The following MARCHF8 variants were observed in gnomAD, a reference collection of about 807,000 sequenced individuals.
The protein encoded by MARCHF8 is membrane associated ring-CH-type finger 8, also known as E3 ubiquitin-protein ligase MARCHF8.
Under a neutral mutation model 51.6 loss-of-function variants are expected in MARCHF8, and 40 were observed. The ratio of observed to expected loss-of-function variants is 0.77; its 90% confidence interval spans 0.60 to 1.01. MARCHF8 has a LOEUF of 1.01. MARCHF8 is among the 50% of genes least tolerant of loss of function. MARCHF8 has a pLI of 0.00. For missense variants in MARCHF8, 685 were observed against 708.6 expected (o/e 0.97, Z 0.38); for synonymous variants, 263 against 280.3 (o/e 0.94, Z 0.62).
intron 6 of MARCHF8, among the ~76,000 whole-genome samples, chr10:45,460,467 C>A (rs1842751947): frequency 1.3e-5 from 2 of 152,236 alleles, no homozygotes; most frequent in Admixed American, 6.5e-5. Flanking sequence ...GCTCTACCAG[C>A]ACACCATTTA....
rs140467774 is a variant in MARCHF8 at position 45,574,210 on chromosome 10, G to A, written c.-79+20025C>T. Among the ~76,000 whole-genome samples the A allele has an allele frequency of 3.5e-3, 527 of 152,124 alleles. 3 individuals are homozygous for A. The highest frequency in any genetic ancestry group is 9.6e-3 in the African/African-American group (398 of 41,474). On this transcript the variant is annotated intron_variant, in intron 1 of 6. Transcript: ENST00000319836. The stretch of plus-strand genomic sequence containing the variant: ...ATGCCAATATCCCATCCCACAGCAC[G>A]CTTTAAAAGGATTAAAGCCTGTTAT...
upstream of MARCHF8, among the ~76,000 whole-genome samples, chr10:45,540,311 C>G (rs1374452908): frequency 6.6e-6 from 1 of 152,218 alleles, no homozygotes; most frequent in African/African-American, 2.4e-5. Context: ...TACCATAAGG[C>G]TTAGCCACAG....
intron 1 of MARCHF8, among the ~76,000 whole-genome samples, chr10:45,543,548 T>G (rs1239345995): frequency 6.6e-6 from 1 of 151,404 alleles, no homozygotes; most frequent in East Asian, 1.9e-4. Context: ...CCTGTAATCC[T>G]AGCACTTTGG....
intron 1 of MARCHF8, among the ~76,000 whole-genome samples, chr10:45,543,186 T>A (rs1212232381): frequency 6.6e-6 from 1 of 152,202 alleles, no homozygotes; most frequent in East Asian, 1.9e-4. Flanking sequence ...TTAAATGACA[T>A]AACACCGTCC....
At chr10:45,572,114 TTCTC>T (rs77988524) in intron 1 of MARCHF8, among the ~76,000 whole-genome samples, 14,319 of 130,026 alleles carry the variant, frequency 0.11, 1,160 homozygotes, top group Non-Finnish European at 0.16. Context: ...CCCTTACCCC[TTCTC>T]TCTGTGTCCC....
intron 2 of MARCHF8, among the ~76,000 whole-genome samples, chr10:45,495,773 T>C (rs71494796): frequency 2.6e-4 from 15 of 57,378 alleles, no homozygotes; most frequent in African/African-American, 1.0e-3. Flanking sequence ...GAGGGGATGC[T>C]AGGGGAGGGG....
At chr10:45,570,217 A>AT (rs2044414152) in intron 1 of MARCHF8, among the ~76,000 whole-genome samples, 1 of 152,212 alleles carries the variant, frequency 6.6e-6, no homozygotes, top group South Asian at 2.1e-4. Flanking sequence ...TAAAAAAACT[A>AT]TAAAACATGA....
chr10:45,455,582 A>T lies in MARCHF8; in HGVS notation c.*2657T>A, dbSNP rs1842576172. Reference sequence around the variant, plus strand: ...GGAAGCTGGGGAGTACACAGCACCCAAAAGAACCGAGAGAGCAAGTTTTCC... The same window carrying T: ...GGAAGCTGGGGAGTACACAGCACCCTAAAGAACCGAGAGAGCAAGTTTTCC... On this transcript the variant is annotated 3_prime_UTR_variant, in exon 8 of 8. Transcript: ENST00000453424. The T allele has an allele frequency of 6.6e-6, 1 of 152,524 alleles. No individual in the cohort carries two copies. The highest frequency in any genetic ancestry group is 6.5e-5 in the Admixed American group (1 of 15,288). 9.4% of individuals were successfully genotyped at this position (152,524 alleles called of 1,614,324 possible). A position where few individuals can be genotyped will look rare whatever the true frequency, so the allele number is the denominator to read the frequency against.
chr10:45,582,508 C>T (rs1414320818), intron 1 of MARCHF8, among the ~76,000 whole-genome samples: 1 of 152,080 alleles, frequency 6.6e-6, no homozygotes, highest in Non-Finnish European at 1.5e-5. Flanking sequence ...CCAAAAAAAC[C>T]AGAATGGCAG....
At chr10:45,561,838 T>C (rs1481295963) in intron 1 of MARCHF8, among the ~76,000 whole-genome samples, 1 of 148,004 alleles carries the variant, frequency 6.8e-6, no homozygotes, top group Non-Finnish European at 1.5e-5. Flanking sequence ...GAAGCAGAGC[T>C]TGCAGTGAGC....
intron 2 of MARCHF8, among the ~76,000 whole-genome samples, chr10:45,512,849 C>T (rs1301408736): frequency 6.6e-6 from 1 of 152,076 alleles, no homozygotes; most frequent in African/African-American, 2.4e-5. Flanking sequence ...AAGAAGTAGA[C>T]ATGGGAGACT....
chr10:45,503,898 T>C (rs759952901), intron 2 of MARCHF8, among the ~76,000 whole-genome samples: 1 of 152,148 alleles, frequency 6.6e-6, no homozygotes, highest in Non-Finnish European at 1.5e-5. Context: ...TATGATTCCA[T>C]CTATATAAAA....
At chr10:45,469,722 A>G (rs12763817) in intron 3 of MARCHF8, among the ~76,000 whole-genome samples, 9,378 of 151,774 alleles carry the variant, frequency 0.062, 331 homozygotes, top group Non-Finnish European at 0.067. Context: ...AAAATTAGCC[A>G]GGCGTGGTGG....
intron 1 of MARCHF8, among the ~76,000 whole-genome samples, chr10:45,580,003 C>CAAAAAAAAAAAAAAA: frequency 2.7e-5 from 1 of 36,438 alleles, no homozygotes; most frequent in Non-Finnish European, 5.0e-5. Context: ...ACTCCGTCTC[C>CAAAAAAAAAAAAAAA]AAAAAAAAAA....
chr10:45,463,639 T>C lies in MARCHF8; in HGVS notation c.600A>G (p.Lys200=). The change falls in exon 5 of 8, where the codon AAA becomes AAG. Residue 200 remains lysine (K), a synonymous_variant. Coordinates refer to ENST00000453424, the MANE Select transcript of MARCHF8 (RefSeq NM_001282866.2). ...GTTTGTGGTTCAGGGTTCTTTTTTC[T>C]TTATGATGAAACCTGTTAGTTCTGA... ...TCLRTNRFHH[K]EKRTLNHKPL... 1.3e-6 allele frequency: 2 copies of C among 1,550,704 alleles called. No individual in the cohort carries two copies. Among genetic ancestry groups the C allele is most frequent in the Non-Finnish European group, 1.7e-6 (2 of 1,147,016 alleles).
intron 1 of MARCHF8, among the ~76,000 whole-genome samples, chr10:45,593,776 C>T (rs1221113324): frequency 6.6e-6 from 1 of 152,194 alleles, no homozygotes; most frequent in Non-Finnish European, 1.5e-5. Flanking sequence ...GAGGGTTATG[C>T]TAGCTGTCTA....
chr10:45,562,879 G>A (rs911030376), intron 1 of MARCHF8, among the ~76,000 whole-genome samples: 4 of 151,556 alleles, frequency 2.6e-5, no homozygotes, highest in African/African-American at 4.8e-5. Flanking sequence ...GGAAGGGGAG[G>A]TCATTAAAGT....
In MARCHF8 at chr10:45,458,561, A is replaced by G; in HGVS notation, c.1418-18T>C. 1 of 1,556,314 alleles carries G rather than the reference A, an allele frequency of 6.4e-7. No individual in the cohort carries two copies. Among genetic ancestry groups the G allele is most frequent in the Non-Finnish European group, 8.7e-7 (1 of 1,155,848 alleles). The stretch of plus-strand genomic sequence containing the variant: ...TAGGATTCCTGGAAGGGAAAAACTC[A>G]GCCTATTAGATTTTATTTAAGATAT... On this transcript the variant is annotated intron_variant, in intron 7 of 7. Transcript: ENST00000453424.
In MARCHF8 at chr10:45,464,120, G is replaced by A. The variant is rs146815832; in HGVS notation, c.242+119C>T. ...GGTGAGCAAACCACACATAAAACTC[G>A]CCAACTGTTTAGACCAAAGGCAGAT... On this transcript the variant is annotated intron_variant, in intron 4 of 7. Transcript: ENST00000453424. 127 of 1,532,836 alleles carry A rather than the reference G, an allele frequency of 8.3e-5. 2 individuals are homozygous for A. In the African/African-American group the frequency reaches 1.4e-3, roughly 17 times the overall value. The allele number at this position is 1,532,836 out of a possible 1,614,324, so 95.0% of individuals were successfully genotyped here. A position where few individuals can be genotyped will look rare whatever the true frequency, so the allele number is the denominator to read the frequency against.
Sources: gnomAD v4.1 joint callset for allele counts (sites outside exome capture counted in the v4.1 genomes callset) on GRCh38, gnomAD v4.1.1 for gene constraint, MANE v1.5 for transcripts, NCBI Gene and HGNC (gene_info 2026-07-23, HGNC 2026-07-21) for gene names.